Variants in GRIK4 observed in about 807,000 individuals in gnomAD.
GRIK4 encodes glutamate receptor ionotropic, kainate 4.
GRIK4 carries 40 observed loss-of-function variants against 104.9 expected under a neutral mutation model. The observed-to-expected ratio is 0.38, with a 90% CI of 0.30 to 0.50. The LOEUF (loss-of-function observed/expected upper bound fraction) is 0.50, where lower values mean the gene tolerates loss of function less well. Ranked by LOEUF, GRIK4 falls within the 20% of genes least tolerant of loss-of-function variation. GRIK4 has a pLI of 0.93. For synonymous variants in GRIK4, 485 were observed against 524.9 expected, an observed-to-expected ratio of 0.92 and a Z score of 1.04; for missense variants, 1,047 against 1,308.1, an observed-to-expected ratio of 0.80 and a Z score of 3.08.
At chr11:120,544,160 T>TAAA (rs1200838470) in intron 1 of GRIK4, among the ~76,000 whole-genome samples, 2 of 152,214 alleles carry the variant, frequency 1.3e-5, no homozygotes, top group Non-Finnish European at 2.9e-5. Context: ...AAAATAGTTA[T>TAAA]AAAGAGGGTG....
chr11:120,619,190 A>C (rs988355145), intron 1 of GRIK4, among the ~76,000 whole-genome samples: 3 of 152,154 alleles, frequency 2.0e-5, no homozygotes, highest in Non-Finnish European at 4.4e-5. Flanking sequence ...AAAGGAGATT[A>C]TTTTGGAGAT....
At chr11:120,633,456 G>GA (rs1949355973) in intron 1 of GRIK4, among the ~76,000 whole-genome samples, 1 of 152,186 alleles carries the variant, frequency 6.6e-6, no homozygotes, top group Non-Finnish European at 1.5e-5. Context: ...GTGTGTGCTC[G>GA]CATGCACCTG....
chr11:120,874,714 C>G (rs1045811653), intron 10 of GRIK4, among the ~76,000 whole-genome samples: 6 of 152,180 alleles, frequency 3.9e-5, no homozygotes. Flanking sequence ...AAGCCTGCTG[C>G]AGCACAGTGT....
chr11:120,838,484 G>A (rs946964709), intron 8 of GRIK4, among the ~76,000 whole-genome samples: 1 of 152,158 alleles, frequency 6.6e-6, no homozygotes, highest in Non-Finnish European at 1.5e-5. Context: ...GATCAGCTTT[G>A]GGAATTAACA....
At chr11:120,581,967 C>G (rs371311290) in intron 1 of GRIK4, among the ~76,000 whole-genome samples, 1 of 151,968 alleles carries the variant, frequency 6.6e-6, no homozygotes, top group African/African-American at 2.4e-5. Context: ...CCACCACGCC[C>G]GGCTAACTTT....
rs118007521 is a variant in GRIK4 at position 120,661,394 on chromosome 11, A to G, written c.82+994A>G. On this transcript the variant is annotated intron_variant, in intron 3 of 20. Transcript: ENST00000527524. ...CCCTAGAGGAACTCAAATACCAGGCAGGTTACCCCAACGGATAACCACATG... is the reference window on the plus strand; with the variant it reads ...CCCTAGAGGAACTCAAATACCAGGCGGGTTACCCCAACGGATAACCACATG... 1.8e-3 allele frequency among the ~76,000 whole-genome samples: 267 copies of G among 149,762 alleles called. 4 individuals carry two copies. The South Asian group carries it at 0.032, about 18-fold the overall frequency.
chr11:120,753,996 A>G (rs1951608049), intron 3 of GRIK4, among the ~76,000 whole-genome samples: 1 of 152,038 alleles, frequency 6.6e-6, no homozygotes, highest in East Asian at 1.9e-4. Flanking sequence ...CCAACTGCTC[A>G]TGTACTTTCT....
In GRIK4 at chr11:120,988,738, G is replaced by GT. The variant is rs1429754842; in HGVS notation, c.*2484dup. The GT allele has an allele frequency of 6.6e-6, 1 of 152,144 alleles. No homozygotes were observed. 9.4% of individuals were successfully genotyped at this position (152,144 alleles called of 1,614,324 possible). A position where few individuals can be genotyped will look rare whatever the true frequency, so the allele number is the denominator to read the frequency against. On this transcript the variant is annotated 3_prime_UTR_variant, in exon 21 of 21. Transcript: ENST00000527524. ...CTGACTCTGTATACTGTATAAAGCAGTTTTTTCTTGTCTGTTTATCTTTCT... is the reference window on the plus strand; with the variant it reads ...CTGACTCTGTATACTGTATAAAGCAGTTTTTTTCTTGTCTGTTTATCTTTCT...
intron 1 of GRIK4, among the ~76,000 whole-genome samples, chr11:120,525,225 T>C (rs78043040): frequency 0.11 from 16,367 of 152,234 alleles, 1,152 homozygotes; most frequent in African/African-American, 0.2. Context: ...AGATTGAGTC[T>C]AGCCGTCTCA....
chr11:120,547,393 A>G (rs1466735152), intron 1 of GRIK4, among the ~76,000 whole-genome samples: 1 of 152,238 alleles, frequency 6.6e-6, no homozygotes, highest in East Asian at 1.9e-4. Flanking sequence ...AGCGGAGTAC[A>G]GAGGGATGAG....
At chr11:120,665,755 C>T (rs1460864003) in intron 3 of GRIK4, among the ~76,000 whole-genome samples, 1 of 152,186 alleles carries the variant, frequency 6.6e-6, no homozygotes, top group Non-Finnish European at 1.5e-5. Flanking sequence ...CGTGTGTCTG[C>T]ACACACTTGT....
intron 3 of GRIK4, among the ~76,000 whole-genome samples, chr11:120,789,630 C>T (rs891225555): frequency 3.3e-5 from 5 of 152,092 alleles, no homozygotes; most frequent in Non-Finnish European, 5.9e-5. Flanking sequence ...TCCTCTTGTC[C>T]CTCGGCACCT....
intron 1 of GRIK4, among the ~76,000 whole-genome samples, chr11:120,538,619 C>G (rs895259257): frequency 3.9e-5 from 6 of 152,204 alleles, no homozygotes; most frequent in Non-Finnish European, 8.8e-5. Flanking sequence ...CCTCGGGTCC[C>G]TTCTCTGCCT....
chr11:120,674,064 A>G (rs1950062339), intron 3 of GRIK4, among the ~76,000 whole-genome samples: 1 of 152,130 alleles, frequency 6.6e-6, no homozygotes, highest in Non-Finnish European at 1.5e-5. Context: ...ACCTGCAGCA[A>G]TATCATTTCA....
chr11:120,585,332 CCT>C (rs1565561356), intron 1 of GRIK4, among the ~76,000 whole-genome samples: 1 of 149,688 alleles, frequency 6.7e-6, no homozygotes, highest in South Asian at 2.1e-4. Flanking sequence ...TCTCTCTCTC[CCT>C]CTCTCTCTCT....
chr11:120,803,004 C>T (rs1952648891), intron 4 of GRIK4, 147 bp downstream of exon 4: 2 of 716,644 alleles, frequency 2.8e-6, no homozygotes. Flanking sequence ...ACCAGGAGGT[C>T]CTGTGAAGCT....
intron 6 of GRIK4, among the ~76,000 whole-genome samples, chr11:120,824,046 G>A (rs567941541): frequency 1.2e-4 from 18 of 152,268 alleles, no homozygotes; most frequent in Admixed American, 9.1e-4. Flanking sequence ...ATGCAGGGCT[G>A]AGAGATACTG....
intron 4 of GRIK4, among the ~76,000 whole-genome samples, chr11:120,809,764 G>T (rs908597462): frequency 3.3e-5 from 5 of 152,184 alleles, no homozygotes; most frequent in Non-Finnish European, 7.4e-5. Context: ...TCCAGATTGA[G>T]ACATTGGGAA....
At chr11:120,957,380 C>T (rs1944179486) in intron 16 of GRIK4, among the ~76,000 whole-genome samples, 1 of 152,246 alleles carries the variant, frequency 6.6e-6, no homozygotes, top group Non-Finnish European at 1.5e-5. Context: ...CTCTACCAGC[C>T]TTCTGAGGCT....
Sources: allele counts gnomAD v4.1 joint callset (sites outside exome capture counted in the v4.1 genomes callset), GRCh38; gene constraint gnomAD v4.1.1; transcripts MANE v1.5; gene names NCBI Gene and HGNC (gene_info 2026-07-23, HGNC 2026-07-21).